The following CSMD1 variants were observed in gnomAD, a reference collection of about 807,000 sequenced individuals.
CSMD1 encodes the protein CUB and Sushi multiple domains 1, also known as CUB and sushi domain-containing protein 1.
A neutral mutation model predicts 417.5 loss-of-function variants in CSMD1; 213 were observed. The observed-to-expected ratio is 0.51, with a 90% confidence interval of 0.46 to 0.57. The LOEUF (loss-of-function observed/expected upper bound fraction) is 0.57. CSMD1 is among the 20% of genes least tolerant of loss of function. The probability of loss-of-function intolerance (pLI) is 0.00; values close to 1 mark genes in which losing one functional copy is unlikely to be tolerated. For missense variants in CSMD1, 6,923 were observed against 4,529.7 expected, an observed-to-expected ratio of 1.53 and a Z score of -15.17; for synonymous variants, 2,862 against 1,736.8, an observed-to-expected ratio of 1.65 and a Z score of -16.11.
intron 3 of CSMD1, among the ~76,000 whole-genome samples, chr8:4,066,775 C>T (rs74539914): frequency 3.2e-3 from 486 of 152,212 alleles, no homozygotes; most frequent in Non-Finnish European, 4.5e-3. Flanking sequence ...CGGAAAGGGG[C>T]GAGAAACGAA....
At chr8:4,276,486 A>C (rs1446834570) in intron 3 of CSMD1, among the ~76,000 whole-genome samples, 1 of 152,150 alleles carries the variant, frequency 6.6e-6, no homozygotes, top group African/African-American at 2.4e-5. Flanking sequence ...AGAAATACCT[A>C]ATACAGATGA....
At chr8:3,132,579 G>T (rs1279090902) in intron 41 of CSMD1, among the ~76,000 whole-genome samples, 1 of 152,130 alleles carries the variant, frequency 6.6e-6, no homozygotes, top group Admixed American at 6.5e-5. Flanking sequence ...GACTCTAGAA[G>T]ACCAGAATAT....
chr8:4,264,592 G>A (rs777293211), intron 3 of CSMD1, among the ~76,000 whole-genome samples: 1 of 152,086 alleles, frequency 6.6e-6, no homozygotes, highest in Non-Finnish European at 1.5e-5. Context: ...TGGTTCCTCG[G>A]CGTTCTAGGG....
intron 3 of CSMD1, among the ~76,000 whole-genome samples, chr8:4,250,981 G>C (rs1803029969): frequency 6.6e-6 from 1 of 152,228 alleles, no homozygotes; most frequent in African/African-American, 2.4e-5. Context: ...GAATTGATTA[G>C]ACACTGATAT....
At chr8:4,421,766 G>C (rs927745622) in intron 2 of CSMD1, among the ~76,000 whole-genome samples, 7 of 149,936 alleles carry the variant, frequency 4.7e-5, no homozygotes, top group Non-Finnish European at 1.0e-4. Flanking sequence ...CTTATTGCAA[G>C]AACTATAAAA....
intron 4 of CSMD1, among the ~76,000 whole-genome samples, chr8:4,025,903 G>A (rs538159190): frequency 5.7e-4 from 87 of 151,746 alleles, no homozygotes; most frequent in African/African-American, 2.0e-3. Flanking sequence ...ACATTTAGGT[G>A]TCATTATTCA....
At chr8:3,031,273 A>G (rs1810322903) in intron 50 of CSMD1, among the ~76,000 whole-genome samples, 1 of 132,326 alleles carries the variant, frequency 7.6e-6, no homozygotes, top group African/African-American at 2.8e-5. Flanking sequence ...ACAAGATCAC[A>G]TGGACACAGG....
chr8:4,307,601 C>A (rs539968971), intron 3 of CSMD1, among the ~76,000 whole-genome samples: 2 of 152,172 alleles, frequency 1.3e-5, no homozygotes, highest in East Asian at 3.9e-4. Flanking sequence ...TCTGTACCCA[C>A]CCAACTTGTG....
At chr8:3,619,113 C>A (rs1255140349) in intron 7 of CSMD1, among the ~76,000 whole-genome samples, 1 of 148,658 alleles carries the variant, frequency 6.7e-6, no homozygotes. Flanking sequence ...TACAATAGAA[C>A]ACATATCTAA....
chr8:4,345,911 G>T (rs116590359), intron 3 of CSMD1, among the ~76,000 whole-genome samples: 6 of 152,174 alleles, frequency 3.9e-5, no homozygotes, highest in South Asian at 2.1e-4. Context: ...CAGTCAAGAC[G>T]TAACAAGGGA....
chr8:3,385,304 T>C (rs1810937995), intron 18 of CSMD1, among the ~76,000 whole-genome samples: 1 of 147,846 alleles, frequency 6.8e-6, no homozygotes, highest in South Asian at 2.1e-4. Flanking sequence ...GGCCTTTACA[T>C]TTCTTGCTAG....
chr8:4,523,649 G>C (rs772456295), intron 2 of CSMD1, among the ~76,000 whole-genome samples: 1 of 152,160 alleles, frequency 6.6e-6, no homozygotes, highest in South Asian at 2.1e-4. Context: ...TCCGGGGCCT[G>C]AAGGCAACTC....
chr8:4,599,010 T>C (rs975579538), intron 2 of CSMD1, among the ~76,000 whole-genome samples: 1 of 152,204 alleles, frequency 6.6e-6, no homozygotes, highest in Non-Finnish European at 1.5e-5. Flanking sequence ...AATTATAAAA[T>C]GGTTTAAAAA....
chr8:4,872,294 G>A (rs1317564112), intron 1 of CSMD1, among the ~76,000 whole-genome samples: 1 of 151,926 alleles, frequency 6.6e-6, no homozygotes, highest in Non-Finnish European at 1.5e-5. Flanking sequence ...TAGGCTTTGT[G>A]TCCCCACCCA....
chr8:3,820,572 TTTG>T (rs1176919825), intron 5 of CSMD1, among the ~76,000 whole-genome samples: 4 of 152,114 alleles, frequency 2.6e-5, no homozygotes, highest in Middle Eastern at 3.2e-3. Context: ...TGTTTTTGTT[TTTG>T]TTGTTGTTTG....
intron 3 of CSMD1, among the ~76,000 whole-genome samples, chr8:4,281,485 A>G (rs1272790122): frequency 1.3e-5 from 2 of 152,220 alleles, no homozygotes; most frequent in Non-Finnish European, 2.9e-5. Context: ...CTTCTGTTTC[A>G]AATTTCTGAA....
chr8:3,517,796 A>T (rs760422974), intron 10 of CSMD1, among the ~76,000 whole-genome samples: 24 of 152,220 alleles, frequency 1.6e-4, no homozygotes, highest in Admixed American at 5.2e-4. Context: ...AATAACGAGC[A>T]GAATTCCCTT....
intron 5 of CSMD1, among the ~76,000 whole-genome samples, chr8:3,861,878 A>C (rs937083277): frequency 1.3e-5 from 2 of 152,174 alleles, no homozygotes; most frequent in South Asian, 2.1e-4. Context: ...GAAAACCCAC[A>C]GTGGAAGTCA....
At chr8:4,887,882 G>A (rs975866252) in intron 1 of CSMD1, among the ~76,000 whole-genome samples, 17 of 151,996 alleles carry the variant, frequency 1.1e-4, no homozygotes, top group East Asian at 3.9e-4. Context: ...TGCATAATGC[G>A]TTAGTTTTCA....
Sources: gnomAD v4.1 joint callset for allele counts (sites outside exome capture counted in the v4.1 genomes callset) on GRCh38, gnomAD v4.1.1 for gene constraint, MANE v1.5 for transcripts, NCBI Gene and HGNC (gene_info 2026-07-23, HGNC 2026-07-21) for gene names.